UNC13C: variants seen among roughly 807,000 people sequenced by gnomAD.
UNC13C encodes the protein unc-13 homolog C, also known as protein unc-13 homolog C.
In UNC13C, 174 loss-of-function variants were observed where a neutral mutation model predicts 245.4. The ratio of observed to expected loss-of-function variants is 0.71; its 90% CI spans 0.63 to 0.80. The LOEUF (loss-of-function observed/expected upper bound fraction) is 0.80. Among genes scored for constraint, UNC13C ranks in the 30% least tolerant of loss-of-function variants. The pLI, the probability that UNC13C is intolerant of heterozygous loss-of-function variation, is 0.00. For missense variants in UNC13C, 2,829 were observed against 2,602.9 expected (o/e 1.09, Z -1.89); for synonymous variants, 992 against 895.1 (o/e 1.11, Z -1.93).
chr15:54,127,603 G>A (rs991320603), intron 2 of UNC13C, among the ~76,000 whole-genome samples: 4 of 151,436 alleles, frequency 2.6e-5, no homozygotes, highest in Non-Finnish European at 5.9e-5. Flanking sequence ...AATAGCTAAT[G>A]TACATGACGG....
chr15:54,087,686 G>T (rs759241260), intron 2 of UNC13C, among the ~76,000 whole-genome samples: 45 of 152,128 alleles, frequency 3.0e-4, no homozygotes, highest in Non-Finnish European at 6.0e-4. Flanking sequence ...CTAGAGAACA[G>T]TTGCTTTAGG....
chr15:54,111,988 T>C (rs958140560), intron 2 of UNC13C, among the ~76,000 whole-genome samples: 1 of 152,202 alleles, frequency 6.6e-6, no homozygotes, highest in African/African-American at 2.4e-5. Flanking sequence ...TGGTGGAAAC[T>C]GCCATTACCA....
intron 4 of UNC13C, among the ~76,000 whole-genome samples, chr15:54,196,701 A>G (rs1050950359): frequency 6.6e-6 from 1 of 152,196 alleles, no homozygotes; most frequent in African/African-American, 2.4e-5. Flanking sequence ...ACCAATCTAC[A>G]GTAGCTGATT....
intron 30 of UNC13C, among the ~76,000 whole-genome samples, chr15:54,616,263 G>C (rs962149608): frequency 6.6e-6 from 1 of 151,958 alleles, no homozygotes; most frequent in South Asian, 2.1e-4. Flanking sequence ...GGGAGTCCTA[G>C]GAAACAAAGT....
chr15:54,457,892 GTT>G, intron 19 of UNC13C, among the ~76,000 whole-genome samples: 1 of 122,990 alleles, frequency 8.1e-6, no homozygotes, highest in African/African-American at 3.1e-5. Context: ...TCTGCTTTTC[GTT>G]TTTTTTTTTT....
chr15:54,507,724 T>C (rs1379284563), intron 23 of UNC13C, among the ~76,000 whole-genome samples: 1 of 151,988 alleles, frequency 6.6e-6, no homozygotes, highest in African/African-American at 2.4e-5. Context: ...AAAGAAAAGC[T>C]AGATAAAGGT....
chr15:54,626,766 C>A (rs942948093), intron 32 of UNC13C, 62 bp from the exon 33 acceptor site: 2 of 1,426,904 alleles, frequency 1.4e-6, no homozygotes, highest in Middle Eastern at 1.8e-4. Context: ...TATTTGAGAA[C>A]CATAATGATG....
At chr15:54,240,285 C>A (rs1158657561) in intron 7 of UNC13C, among the ~76,000 whole-genome samples, 1 of 152,180 alleles carries the variant, frequency 6.6e-6, no homozygotes, top group African/African-American at 2.4e-5. Flanking sequence ...TTCTGTACAA[C>A]AGGCATATTA....
chr15:54,577,720 C>CTG (rs1387244965), intron 30 of UNC13C, among the ~76,000 whole-genome samples: 10 of 152,148 alleles, frequency 6.6e-5, no homozygotes, highest in African/African-American at 2.4e-4. Flanking sequence ...GTTAGCAGTT[C>CTG]CACTTTCCCT....
chr15:53,873,637 C>T, the UNC13C span, among the ~76,000 whole-genome samples: 1 of 119,270 alleles, frequency 8.4e-6, no homozygotes, highest in Non-Finnish European at 1.9e-5. Context: ...TACCCTGATG[C>T]ACGAAGTGAT....
chr15:54,318,318 G>A (rs1280028460), intron 13 of UNC13C, among the ~76,000 whole-genome samples: 1 of 151,716 alleles, frequency 6.6e-6, no homozygotes, highest in East Asian at 2.0e-4. Context: ...TCCCTTAATG[G>A]CTGTACTAAT....
At chr15:54,084,176 T>C (rs1453319603) in intron 2 of UNC13C, among the ~76,000 whole-genome samples, 1 of 152,238 alleles carries the variant, frequency 6.6e-6, no homozygotes, top group East Asian at 1.9e-4. Flanking sequence ...GTCCTGGCTC[T>C]CTTCCCTCAG....
At chr15:54,062,850 G>A (rs1897906329) in intron 2 of UNC13C, among the ~76,000 whole-genome samples, 1 of 152,188 alleles carries the variant, frequency 6.6e-6, no homozygotes, top group Admixed American at 6.5e-5. Context: ...ACTGGGAACT[G>A]AGACATGAAA....
intron 2 of UNC13C, among the ~76,000 whole-genome samples, chr15:54,131,597 T>G (rs1227252679): frequency 6.6e-6 from 1 of 152,196 alleles, no homozygotes; most frequent in African/African-American, 2.4e-5. Context: ...TCATGCTGTA[T>G]ACACTATCCA....
chr15:53,876,332 T>C, the UNC13C span, among the ~76,000 whole-genome samples: 1 of 152,190 alleles, frequency 6.6e-6, no homozygotes, highest in East Asian at 1.9e-4. Flanking sequence ...AGCTGAGCCC[T>C]TCTCAAAATC....
chr15:54,455,436 A>T (rs995666451), intron 19 of UNC13C, among the ~76,000 whole-genome samples: 2 of 150,162 alleles, frequency 1.3e-5, no homozygotes, highest in Non-Finnish European at 3.0e-5. Flanking sequence ...GAATCTCCAT[A>T]CTGTGTTTCC....
rs1894429325 is a variant in UNC13C, at chr15:54,505,449, C to T, written c.5302-1668C>T. 2.0e-5 allele frequency among the ~76,000 whole-genome samples: 3 copies of T among 152,120 alleles called. 1 individual carries two copies. The highest frequency in any genetic ancestry group is 4.1e-4 in the South Asian group (2 of 4,826). On this transcript the variant is annotated intron_variant, in intron 22 of 32. Coordinates refer to ENST00000260323, the MANE Select transcript of UNC13C (RefSeq NM_001080534.3). Reference sequence around the variant, plus strand: ...CTGACTCAGTAATTTAGGATAGGACCAAATAATGTGCATGTCCAACAAGTT... The same window carrying T: ...CTGACTCAGTAATTTAGGATAGGACTAAATAATGTGCATGTCCAACAAGTT...
At chr15:53,979,134 T>TA (rs34012487) in intron 1 of UNC13C, among the ~76,000 whole-genome samples, 59,516 of 151,850 alleles carry the variant, frequency 0.39, 12,901 homozygotes, top group East Asian at 0.56. Context: ...TCATTGCTTT[T>TA]AAAAAAAGAA....
chr15:54,442,335 G>A (rs1264572425), intron 19 of UNC13C, among the ~76,000 whole-genome samples: 1 of 146,226 alleles, frequency 6.8e-6, no homozygotes, highest in African/African-American at 2.5e-5. Context: ...CGATTCTTCT[G>A]CCTCAGCCTC....
Sources: allele counts gnomAD v4.1 joint callset (sites outside exome capture counted in the v4.1 genomes callset), GRCh38; gene constraint gnomAD v4.1.1; transcripts MANE v1.5; gene names NCBI Gene and HGNC (gene_info 2026-07-23, HGNC 2026-07-21).